XPO7: variants seen among roughly 807,000 people sequenced by gnomAD.
XPO7 encodes the protein exportin-7.
In XPO7, 21 loss-of-function variants were observed where a neutral mutation model predicts 144.3. The ratio of observed to expected loss-of-function variants is 0.15; its 90% confidence interval spans 0.10 to 0.21. The LOEUF (loss-of-function observed/expected upper bound fraction) is 0.21, where lower values mean the gene tolerates loss of function less well. Ranked by LOEUF, XPO7 falls within the 10% of genes least tolerant of loss-of-function variation. The probability of loss-of-function intolerance (pLI) is 1.00; values close to 1 mark genes in which losing one functional copy is unlikely to be tolerated. For synonymous variants in XPO7, 580 were observed against 499.6 expected, an observed-to-expected ratio of 1.16 and a Z score of -2.15; for missense variants, 808 against 1,325.8, an observed-to-expected ratio of 0.61 and a Z score of 6.06.
At position 21,970,250 on chromosome 8, in the gene XPO7, C is replaced by G. The variant is rs1196526461; in HGVS notation, c.366C>G (p.Asp122Glu). 1 of 1,613,680 alleles carries G rather than the reference C, an allele frequency of 6.2e-7. No individual in the cohort carries two copies. The highest frequency in any genetic ancestry group is 2.2e-5 in the East Asian group (1 of 44,886). Residue 122 changes from aspartate (D) to glutamate (E), a missense_variant, in exon 4 of 28, where the codon GAC becomes GAG. By Grantham distance (45) the Asp-to-Glu change is conservative. Coordinates refer to ENST00000252512, the MANE Select transcript of XPO7 (RefSeq NM_015024.5). ...YARITKLGWF[D>E]CQKDDYVFRN... is the part of the protein sequence containing the mutation. ...GAATCACAAAACTGGGCTGGTTTGA[C>G]TGTCAGAAGGATGACTATGTCTTCA...
chr8:22,002,109 C>G lies in XPO7; in HGVS notation c.2783-3C>G, dbSNP rs202116699. On this transcript the variant is annotated splice_polypyrimidine_tract_variant and splice_region_variant and intron_variant, in intron 24 of 27. Transcript: ENST00000252512. Reference sequence around the variant, plus strand: ...GTCCTACCCCTGCCTTTCTTTCTTGCAGACACCATGGTATGCACAGGCTGC... The same window carrying G: ...GTCCTACCCCTGCCTTTCTTTCTTGGAGACACCATGGTATGCACAGGCTGC... The G allele has an allele frequency of 1.9e-6, 3 of 1,606,652 alleles. No individual in the cohort carries two copies. The highest frequency in any genetic ancestry group is 1.1e-5 in the South Asian group (1 of 89,520).
intron 19 of XPO7, among the ~76,000 whole-genome samples, chr8:21,992,998 T>C (rs1247971809): frequency 6.6e-6 from 1 of 152,206 alleles, no homozygotes; most frequent in African/African-American, 2.4e-5. Flanking sequence ...TTTTCATCTT[T>C]AGCCTTTTCT....
At chr8:21,986,644 C>A (rs377201813) in intron 13 of XPO7, among the ~76,000 whole-genome samples, 1 of 152,110 alleles carries the variant, frequency 6.6e-6, no homozygotes, top group East Asian at 1.9e-4. Flanking sequence ...ATTCTGCAGC[C>A]GAGTTCAATA....
chr8:21,930,570 A>G (rs1002897001), intron 1 of XPO7, among the ~76,000 whole-genome samples: 5 of 152,146 alleles, frequency 3.3e-5, no homozygotes, highest in South Asian at 2.1e-4. Flanking sequence ...GCAGAATACC[A>G]TAGATAAAGC....
intron 12 of XPO7, 102 bp from the exon 13 acceptor site, chr8:21,985,484 A>T: frequency 9.1e-7 from 1 of 1,104,532 alleles, no homozygotes; most frequent in Non-Finnish European, 1.4e-6. Flanking sequence ...GTAAGACTTC[A>T]TGGTTTCACC....
intron 1 of XPO7, 57 bp from the exon 2 acceptor site, chr8:21,966,800 A>T (rs1811899695): frequency 6.5e-7 from 1 of 1,548,376 alleles, no homozygotes; most frequent in Non-Finnish European, 8.7e-7. Flanking sequence ...TTTTAAGCAC[A>T]GTTGCTTACA....
chr8:21,974,953 G>A (rs1374660238), intron 6 of XPO7, among the ~76,000 whole-genome samples, 179 bp downstream of exon 6: 1 of 152,204 alleles, frequency 6.6e-6, no homozygotes, highest in Non-Finnish European at 1.5e-5. Flanking sequence ...GACCACTGAG[G>A]TTGGAGAAAT....
At chr8:21,935,957 CT>C (rs754981964) in intron 1 of XPO7, among the ~76,000 whole-genome samples, 6 of 152,096 alleles carry the variant, frequency 3.9e-5, no homozygotes, top group Non-Finnish European at 5.9e-5. Flanking sequence ...TTCTCAAAAC[CT>C]TTTTGTGGAG....
At chr8:21,982,020 G>T (rs1812424355) in intron 10 of XPO7, 143 bp downstream of exon 10, 1 of 1,089,234 alleles carries the variant, frequency 9.2e-7, no homozygotes, top group Non-Finnish European at 1.3e-6. Context: ...TTACTATTGT[G>T]GCCTGTGATT....
At chr8:21,966,646 G>A (rs1032090053) in intron 1 of XPO7, among the ~76,000 whole-genome samples, 1 of 152,004 alleles carries the variant, frequency 6.6e-6, no homozygotes, top group East Asian at 1.9e-4. Flanking sequence ...AGTTATATAG[G>A]TATTCTAAGC....
At chr8:21,930,301 A>T (rs530259129) in intron 1 of XPO7, among the ~76,000 whole-genome samples, 2 of 152,320 alleles carry the variant, frequency 1.3e-5, no homozygotes, top group Admixed American at 6.5e-5. Flanking sequence ...TTGATCATGT[A>T]CTGTGTGCCA....
intron 1 of XPO7, among the ~76,000 whole-genome samples, chr8:21,936,525 A>G (rs932992834): frequency 1.3e-5 from 2 of 152,216 alleles, no homozygotes; most frequent in Non-Finnish European, 2.9e-5. Flanking sequence ...TGACTCTTCA[A>G]ATTTCGTGAA....
intron 7 of XPO7, 57 bp from the exon 8 acceptor site, chr8:21,977,713 G>A: frequency 1.3e-6 from 2 of 1,516,326 alleles, no homozygotes; most frequent in Non-Finnish European, 1.8e-6. Context: ...CTGGAAGTAT[G>A]CCAGCGGCAA....
At chr8:21,972,222 G>A (rs978704534) in intron 5 of XPO7, among the ~76,000 whole-genome samples, 2 of 150,790 alleles carry the variant, frequency 1.3e-5, no homozygotes, top group East Asian at 1.9e-4. Context: ...AGATAAAAGC[G>A]ATCGCAGCAC....
chr8:21,972,262 G>C (rs1239487174), intron 5 of XPO7, among the ~76,000 whole-genome samples: 2 of 151,904 alleles, frequency 1.3e-5, no homozygotes, highest in African/African-American at 4.8e-5. Flanking sequence ...CGGATCACCT[G>C]AGGTCAGGAG....
At chr8:21,965,376 C>G (rs1811849639) in intron 1 of XPO7, among the ~76,000 whole-genome samples, 1 of 152,076 alleles carries the variant, frequency 6.6e-6, no homozygotes, top group Non-Finnish European at 1.5e-5. Context: ...GTTCATAAGC[C>G]ATGTGAATAA....
chr8:21,988,924 C>A, intron 15 of XPO7, 79 bp from the exon 16 acceptor site: 1 of 1,353,998 alleles, frequency 7.4e-7, no homozygotes, highest in Non-Finnish European at 1.0e-6. Flanking sequence ...TGATGAATGA[C>A]TTTCTTCTTC....
intron 1 of XPO7, among the ~76,000 whole-genome samples, chr8:21,922,026 T>C (rs972280837): frequency 1.3e-5 from 2 of 152,148 alleles, no homozygotes; most frequent in African/African-American, 4.8e-5. Context: ...TGCAATGCAT[T>C]GAGGGGAGGG....
Position 21,966,239 on chromosome 8 carries a change from G to C in XPO7, c.19-618G>C, listed in dbSNP as rs1811878256. 3.9e-6 allele frequency: 3 copies of C among 773,272 alleles called. No homozygotes were observed. In the South Asian group the frequency reaches 4.1e-5, roughly 11 times the overall value. The allele number at this position is 773,272 out of a possible 1,614,324, so 47.9% of individuals were successfully genotyped here. A position where few individuals can be genotyped will look rare whatever the true frequency, so the allele number is the denominator to read the frequency against. ...TTTTGACGCTTTCATTTTAAATTTG[G>C]AACCAAAGTAAGAGTTTAAAGTGCA... On this transcript the variant is annotated intron_variant, in intron 1 of 27. Coordinates refer to ENST00000252512, the MANE Select transcript of XPO7 (RefSeq NM_015024.5).
Sources: gnomAD v4.1 joint callset for allele counts (sites outside exome capture counted in the v4.1 genomes callset) on GRCh38, gnomAD v4.1.1 for gene constraint, MANE v1.5 for transcripts, NCBI Gene and HGNC (gene_info 2026-07-23, HGNC 2026-07-21) for gene names.